Variants in CTIF observed in about 807,000 individuals in gnomAD.
CTIF encodes the protein CBP80/20-dependent translation initiation factor.
Under a neutral mutation model 66.0 loss-of-function variants are expected in CTIF, and 21 were observed. The observed-to-expected ratio is 0.32, with a 90% confidence interval of 0.23 to 0.46. The LOEUF (loss-of-function observed/expected upper bound fraction) is 0.46, where lower values mean the gene tolerates loss of function less well. CTIF is among the 20% of genes least tolerant of loss of function. The probability of loss-of-function intolerance (pLI) is 1.00; values close to 1 mark genes in which losing one functional copy is unlikely to be tolerated. For synonymous variants in CTIF, 345 were observed against 326.4 expected, an observed-to-expected ratio of 1.06 and a Z score of -0.62; for missense variants, 739 against 812.7, an observed-to-expected ratio of 0.91 and a Z score of 1.10.
At chr18:48,731,885 A>G (rs2092459484) in intron 7 of CTIF, among the ~76,000 whole-genome samples, 2 of 152,258 alleles carry the variant, frequency 1.3e-5, no homozygotes, top group South Asian at 2.1e-4. Context: ...TAGGGTCTCT[A>G]TCATAACTCC....
intron 1 of CTIF, among the ~76,000 whole-genome samples, chr18:48,580,610 A>G (rs959939653): frequency 2.6e-5 from 4 of 151,890 alleles, no homozygotes; most frequent in Non-Finnish European, 4.4e-5. Context: ...CCACACTACT[A>G]CTTAGAAAGT....
intron 10 of CTIF, among the ~76,000 whole-genome samples, chr18:48,828,873 G>A (rs375469894): frequency 6.6e-6 from 1 of 152,206 alleles, no homozygotes; most frequent in East Asian, 1.9e-4. Context: ...CCCCAGCCCC[G>A]CCTTCGCAGC....
intron 6 of CTIF, among the ~76,000 whole-genome samples, chr18:48,680,612 G>A (rs1465862159): frequency 1.3e-5 from 2 of 152,238 alleles, no homozygotes; most frequent in South Asian, 2.1e-4. Flanking sequence ...CACACAGCCC[G>A]CAGCCTTGCC....
intron 9 of CTIF, among the ~76,000 whole-genome samples, chr18:48,790,607 G>A (rs1028881502): frequency 5.9e-5 from 9 of 152,242 alleles, no homozygotes; most frequent in Admixed American, 2.6e-4. Flanking sequence ...GGAGCTGGAC[G>A]GGCGGCCTCA....
At chr18:48,710,011 G>T (rs1032690548) in intron 6 of CTIF, among the ~76,000 whole-genome samples, 3 of 152,252 alleles carry the variant, frequency 2.0e-5, no homozygotes, top group African/African-American at 4.8e-5. Context: ...GTCCTCCTGA[G>T]TCTGTTGTTC....
intron 1 of CTIF, among the ~76,000 whole-genome samples, chr18:48,580,928 G>T (rs181564398): frequency 5.2e-4 from 79 of 152,330 alleles, no homozygotes; most frequent in Middle Eastern, 6.8e-3. Context: ...TCCACTAGCT[G>T]CAGGCATCGC....
At chr18:48,847,958 G>A (rs2069116201) in intron 10 of CTIF, among the ~76,000 whole-genome samples, 1 of 152,162 alleles carries the variant, frequency 6.6e-6, no homozygotes, top group Non-Finnish European at 1.5e-5. Flanking sequence ...ACAGTCCCTG[G>A]GCTGTCCTCC....
intron 1 of CTIF, among the ~76,000 whole-genome samples, chr18:48,542,676 T>C (rs2088649016): frequency 6.6e-6 from 1 of 152,210 alleles, no homozygotes; most frequent in South Asian, 2.1e-4. Context: ...ATAAATATTT[T>C]AGAGCAGTCA....
At chr18:48,795,191 A>G (rs1296390955) in intron 9 of CTIF, among the ~76,000 whole-genome samples, 12 of 152,136 alleles carry the variant, frequency 7.9e-5, no homozygotes, top group African/African-American at 1.9e-4. Flanking sequence ...GTGTCAAACC[A>G]TGGACTTAGT....
chr18:48,623,020 G>A (rs1401646556), intron 2 of CTIF, among the ~76,000 whole-genome samples: 42 of 152,236 alleles, frequency 2.8e-4, no homozygotes, highest in Admixed American at 2.7e-3. Flanking sequence ...CAGCCAGCGG[G>A]GACATAGTTT....
intron 7 of CTIF, among the ~76,000 whole-genome samples, chr18:48,757,296 A>C (rs1908464612): frequency 6.6e-6 from 1 of 152,102 alleles, no homozygotes. Flanking sequence ...TCAACATATG[A>C]AGTTTTGCGG....
At position 48,844,526 on chromosome 18, in the gene CTIF, A is replaced by T. The variant is rs930874115; in HGVS notation, c.1528-13062A>T. Reference sequence around the variant, plus strand: ...GTACGGGGTGGTTTGCAAGCCCGGCAGGAAGGAGGCTAATTATTCCCTCTG... The same window carrying T: ...GTACGGGGTGGTTTGCAAGCCCGGCTGGAAGGAGGCTAATTATTCCCTCTG... On this transcript the variant is annotated intron_variant, in intron 10 of 11. Coordinates refer to ENST00000256413, the MANE Select transcript of CTIF (RefSeq NM_014772.3). 3.9e-5 allele frequency among the ~76,000 whole-genome samples: 6 copies of T among 152,212 alleles called. No individual in the cohort carries two copies. The East Asian group carries it at 1.2e-3, about 29-fold the overall frequency.
At chr18:48,819,903 T>C (rs2068447227) in intron 10 of CTIF, among the ~76,000 whole-genome samples, 1 of 152,200 alleles carries the variant, frequency 6.6e-6, no homozygotes. Context: ...TGCTGCTTTC[T>C]CTGCAAGGTG....
chr18:48,599,952 C>T (rs1238582010), intron 1 of CTIF, among the ~76,000 whole-genome samples: 1 of 152,164 alleles, frequency 6.6e-6, no homozygotes, highest in Non-Finnish European at 1.5e-5. Context: ...AGCTTTCCTA[C>T]CTGTGACACC....
intron 2 of CTIF, among the ~76,000 whole-genome samples, chr18:48,624,411 G>T (rs2090556267): frequency 6.6e-6 from 1 of 152,210 alleles, no homozygotes; most frequent in Non-Finnish European, 1.5e-5. Flanking sequence ...TACAGGCCAT[G>T]ACTGATTGGG....
chr18:48,685,100 T>G (rs2091816221), intron 6 of CTIF, among the ~76,000 whole-genome samples: 1 of 152,022 alleles, frequency 6.6e-6, no homozygotes, highest in Non-Finnish European at 1.5e-5. Flanking sequence ...TATCTCTTTA[T>G]CTCCTCAATC....
At chr18:48,657,762 T>C (rs2091268409) in intron 3 of CTIF, among the ~76,000 whole-genome samples, 1 of 151,922 alleles carries the variant, frequency 6.6e-6, no homozygotes. Context: ...GGAGAGAACA[T>C]TCTTTTGTTT....
intron 7 of CTIF, among the ~76,000 whole-genome samples, chr18:48,727,302 G>T (rs552364537): frequency 6.6e-6 from 1 of 152,084 alleles, no homozygotes; most frequent in African/African-American, 2.4e-5. Flanking sequence ...GGCTGTCTCC[G>T]CCCTCTGCAT....
intron 7 of CTIF, 151 bp downstream of exon 7, chr18:48,711,846 G>C: frequency 1.5e-6 from 1 of 670,908 alleles, no homozygotes; most frequent in East Asian, 2.8e-5. Flanking sequence ...GTTACTGGCT[G>C]GGGATTCCCC....
Sources: allele counts gnomAD v4.1 joint callset (sites outside exome capture counted in the v4.1 genomes callset), GRCh38; gene constraint gnomAD v4.1.1; transcripts MANE v1.5; gene names NCBI Gene and HGNC (gene_info 2026-07-23, HGNC 2026-07-21).